Variants in KIF24 observed in about 807,000 individuals in gnomAD.
KIF24 encodes the protein kinesin-like protein KIF24.
KIF24 carries 81 observed loss-of-function variants against 118.9 expected under a neutral mutation model. That is an observed-to-expected ratio of 0.68 (90% confidence interval 0.57 to 0.82). KIF24 has a LOEUF of 0.82. Among genes scored for constraint, KIF24 ranks in the 40% least tolerant of loss-of-function variants. The pLI is 0.00. For synonymous variants in KIF24, 599 were observed against 610.0 expected (o/e 0.98, Z 0.27); for missense variants, 1,560 against 1,661.6 (o/e 0.94, Z 1.06).
intron 3 of KIF24, among the ~76,000 whole-genome samples, chr9:34,299,821 TGC>T (rs1415674537): frequency 0.072 from 4,349 of 60,672 alleles, 120 homozygotes; most frequent in Middle Eastern, 0.12. Flanking sequence ...TGTGTGTGTG[TGC>T]GTGTGTGTGT....
chr9:34,323,742 G>C (rs1837592028), intron 1 of KIF24, among the ~76,000 whole-genome samples: 1 of 152,188 alleles, frequency 6.6e-6, no homozygotes, highest in African/African-American at 2.4e-5. Flanking sequence ...TTCCAAAGGA[G>C]TGACATCGAG....
intron 4 of KIF24, among the ~76,000 whole-genome samples, chr9:34,296,775 T>C (rs1305992755): frequency 1.3e-5 from 2 of 152,104 alleles, no homozygotes; most frequent in Non-Finnish European, 2.9e-5. Context: ...AATATATTTT[T>C]CCACTAGACA....
intron 6 of KIF24, among the ~76,000 whole-genome samples, chr9:34,275,713 G>A (rs767589032): frequency 2.0e-5 from 3 of 151,616 alleles, no homozygotes; most frequent in Non-Finnish European, 4.4e-5. Flanking sequence ...GGTGATGCAC[G>A]CCTGTAGTCC....
upstream of KIF24, among the ~76,000 whole-genome samples, chr9:34,332,553 A>G (rs1837973543): frequency 6.6e-6 from 1 of 152,214 alleles, no homozygotes; most frequent in South Asian, 2.1e-4. Flanking sequence ...CTAGAATTGT[A>G]CAGCAGATGG....
chr9:34,324,541 C>T (rs1442508225), intron 1 of KIF24, among the ~76,000 whole-genome samples: 1 of 152,196 alleles, frequency 6.6e-6, no homozygotes, highest in Non-Finnish European at 1.5e-5. Flanking sequence ...ACGTCTCATA[C>T]CTGTTCTCCT....
intron 1 of KIF24, among the ~76,000 whole-genome samples, chr9:34,321,577 A>AT (rs1423634834): frequency 4.0e-5 from 6 of 150,170 alleles, no homozygotes; most frequent in African/African-American, 9.8e-5. Context: ...AAAAAAAAAA[A>AT]AGCTATACAT....
chr9:34,330,720 GGGAGGCCGAGGCGGGC>G (rs1837892536), upstream of KIF24, among the ~76,000 whole-genome samples: 2 of 152,178 alleles, frequency 1.3e-5, no homozygotes, highest in African/African-American at 4.8e-5. Context: ...CTAGCCCTTT[GGGAGGCCGAGGCGGGC>G]GGATCACGAG....
chr9:34,329,616 G>C (rs1333837660), upstream of KIF24: 1 of 152,224 alleles, frequency 6.6e-6, no homozygotes, highest in African/African-American at 2.4e-5. Context: ...ACCCTTAAGG[G>C]CCCACTTGAT....
intron 1 of KIF24, among the ~76,000 whole-genome samples, chr9:34,311,728 G>GCA (rs1837167676): frequency 1.4e-5 from 2 of 142,932 alleles, no homozygotes; most frequent in African/African-American, 5.1e-5. Flanking sequence ...GTATATACAC[G>GCA]TATATATATA....
At chr9:34,293,259 C>T (rs1836322787) in intron 4 of KIF24, among the ~76,000 whole-genome samples, 1 of 151,376 alleles carries the variant, frequency 6.6e-6, no homozygotes, top group African/African-American at 2.4e-5. Context: ...GCAGGCGGAT[C>T]ACTTGAGGCC....
At chr9:34,316,147 C>T (rs940801265) in intron 1 of KIF24, among the ~76,000 whole-genome samples, 3 of 151,446 alleles carry the variant, frequency 2.0e-5, no homozygotes, top group South Asian at 4.2e-4. Context: ...GTCAGGAGAT[C>T]GAGACCATCC....
rs761473328 is a variant in KIF24 at position 34,290,356 on chromosome 9, T to G, written c.945A>C (p.Thr315=). ...GNATCFAYGQ[T]GAGKTYTMIG... is the part of the protein sequence containing the mutation. ...TCATGGTGTAGGTCTTTCCAGCACC[T>G]GTCTGTCCATAAGCAAAGCAAGTGG... Residue 315 remains threonine, a synonymous_variant, in exon 5 of 13, where the codon ACA becomes ACC. Transcript: ENST00000402558. 6.2e-7 allele frequency: 1 copy of G among 1,612,398 alleles called. No individual in the cohort carries two copies. Among genetic ancestry groups the G allele is most frequent in the Non-Finnish European group, 8.5e-7 (1 of 1,178,842 alleles).
At chr9:34,290,412 T>A in intron 4 of KIF24, 23 bp from the exon 5 acceptor site, 1 of 1,380,876 alleles carries the variant, frequency 7.2e-7, no homozygotes, top group Non-Finnish European at 1.0e-6. Flanking sequence ...TAATTTGCAT[T>A]ACTTATGCAT....
In KIF24 at chr9:34,310,982, G is replaced by A. The variant is rs373627283; in HGVS notation, c.365C>T (p.Ser122Leu). ...CTTCTGTTCATTTGCAGAGAAATCT[G>A]ATAAACTGCACATTTCAAACCCATC... The part of the protein sequence containing the change: ...SNDGFEMCSL[S>L]DFSANEQKST... Residue 122 changes from serine (S) to leucine (L), a missense_variant, in exon 2 of 13, where the codon TCA becomes TTA. Transcript: ENST00000402558. 3 of 1,613,954 alleles carry A rather than the reference G, an allele frequency of 1.9e-6. No individual in the cohort carries two copies. Among genetic ancestry groups the A allele is most frequent in the Non-Finnish European group, 2.5e-6 (3 of 1,179,868 alleles).
At chr9:34,305,821 G>A (rs1836893343) in intron 3 of KIF24, among the ~76,000 whole-genome samples, 1 of 151,972 alleles carries the variant, frequency 6.6e-6, no homozygotes, top group African/African-American at 2.4e-5. Flanking sequence ...GCCCAGGGTG[G>A]TCTCAAACTC....
At position 34,271,418 on chromosome 9, in the gene KIF24, A is replaced by G. The variant is rs536147361; in HGVS notation, c.1337+391T>C. Among the ~76,000 whole-genome samples, 7 of 152,240 alleles carry G rather than the reference A, an allele frequency of 4.6e-5. No individual in the cohort carries two copies. The South Asian group carries it at 1.5e-3, about 32-fold the overall frequency. On this transcript the variant is annotated intron_variant, in intron 7 of 12. Transcript: ENST00000402558. ...CATCAGTGTGGCAGATTATTTGCTA[A>G]GAGAGCACCAGAGAGGCAATGAATG...
rs932671041 is a variant in KIF24, at chr9:34,255,834, G to A, written c.3773C>T (p.Pro1258Leu). The change falls in exon 11 of 13, where the codon CCG becomes CTG. Residue 1258 changes from proline (P) to leucine (L), a missense_variant. Around this residue, in one of 3 missense-constraint regions of KIF24, gnomAD observed 591 missense variants for 655.6 expected, o/e 0.90. Coordinates refer to ENST00000402558, the MANE Select transcript of KIF24 (RefSeq NM_194313.4). ...SENVTWLKPRPISRCLARPSS... is the reference protein window; with the variant it reads ...SENVTWLKPRLISRCLARPSS... ...TGGCCTTGCTAAGCACCTTGAGATC[G>A]GCCTGGGTTTGAGCCATGTGACATT... The A allele has an allele frequency of 3.7e-6, 6 of 1,613,836 alleles. No homozygotes were observed. In the African/African-American group the frequency reaches 4.0e-5, roughly 11 times the overall value.
At chr9:34,267,187 G>A (rs1835328473) in intron 8 of KIF24, among the ~76,000 whole-genome samples, 1 of 152,078 alleles carries the variant, frequency 6.6e-6, no homozygotes, top group Non-Finnish European at 1.5e-5. Flanking sequence ...ATATAGATGA[G>A]ATTCTTCAAT....
At position 34,253,164 on chromosome 9, in the gene KIF24, CAA is replaced by C. The variant is rs1834673516; in HGVS notation, c.*1214_*1215del. ...TGACTGGACCAGGCTGCTAGTGTCT[CAA>C]GAGAGCCATTTAACCCTCTTCTTGG... On this transcript the variant is annotated 3_prime_UTR_variant, in exon 13 of 13. Coordinates refer to ENST00000402558, the MANE Select transcript of KIF24 (RefSeq NM_194313.4). 1.3e-5 allele frequency: 2 copies of C among 152,272 alleles called. No homozygotes were observed. Among genetic ancestry groups the C allele is most frequent in the Non-Finnish European group, 2.9e-5 (2 of 68,052 alleles). 9.4% of individuals were successfully genotyped at this position (152,272 alleles called of 1,614,324 possible).
Sources: allele counts gnomAD v4.1 joint callset (sites outside exome capture counted in the v4.1 genomes callset), GRCh38; gene constraint gnomAD v4.1.1; regional missense constraint gnomAD v4.1.1; transcripts MANE v1.5; gene names NCBI Gene and HGNC (gene_info 2026-07-23, HGNC 2026-07-21).